Variants in CCSER1 observed in about 807,000 individuals in gnomAD.
The protein encoded by CCSER1 is serine-rich coiled-coil domain-containing protein 1.
A neutral mutation model predicts 82.0 loss-of-function variants in CCSER1; 41 were observed. The ratio of observed to expected loss-of-function variants is 0.50; its 90% CI spans 0.39 to 0.65. The LOEUF (loss-of-function observed/expected upper bound fraction) is 0.65, where lower values mean the gene tolerates loss of function less well. CCSER1 is among the 30% of genes least tolerant of loss of function. The probability of loss-of-function intolerance (pLI) is 0.00; values close to 1 mark genes in which losing one functional copy is unlikely to be tolerated. For synonymous variants in CCSER1, 414 were observed against 383.9 expected (o/e 1.08, Z -0.92); for missense variants, 1,119 against 1,064.2 (o/e 1.05, Z -0.72).
intron 5 of CCSER1, among the ~76,000 whole-genome samples, chr4:90,522,185 C>T (rs1773223156): frequency 6.6e-6 from 1 of 152,130 alleles, no homozygotes; most frequent in Non-Finnish European, 1.5e-5. Flanking sequence ...ATTTCTGCTT[C>T]CTCCTGTATT....
intron 4 of CCSER1, among the ~76,000 whole-genome samples, chr4:90,417,221 TA>T (rs948747080): frequency 5.3e-5 from 8 of 152,010 alleles, no homozygotes; most frequent in African/African-American, 7.2e-5. Flanking sequence ...ATAATAAATA[TA>T]AAAAAAATTT....
intron 8 of CCSER1, among the ~76,000 whole-genome samples, chr4:90,849,041 G>A (rs967772738): frequency 6.6e-6 from 1 of 152,132 alleles, no homozygotes; most frequent in Admixed American, 6.5e-5. Context: ...ATAGCAGCGT[G>A]AGAACAGACT....
intron 10 of CCSER1, among the ~76,000 whole-genome samples, chr4:91,413,978 A>T (rs1753213090): frequency 6.6e-6 from 1 of 152,190 alleles, no homozygotes; most frequent in Admixed American, 6.6e-5. Context: ...AGATAAAGAC[A>T]TTATAGATAA....
chr4:91,017,803 T>C (rs1739561732), intron 9 of CCSER1, among the ~76,000 whole-genome samples: 1 of 134,244 alleles, frequency 7.4e-6, no homozygotes, highest in African/African-American at 2.8e-5. Flanking sequence ...AACATTATGG[T>C]TTTTAAATTG....
chr4:90,375,276 C>T (rs1211881017), intron 3 of CCSER1, among the ~76,000 whole-genome samples: 4 of 152,260 alleles, frequency 2.6e-5, no homozygotes, highest in East Asian at 1.9e-4. Flanking sequence ...GGCGGTACAT[C>T]GGGTCTGTGT....
intron 8 of CCSER1, among the ~76,000 whole-genome samples, chr4:90,855,347 T>C (rs1764339178): frequency 6.6e-6 from 1 of 152,168 alleles, no homozygotes; most frequent in Non-Finnish European, 1.5e-5. Context: ...CTCAGTACTA[T>C]TTGCTCAATC....
intron 1 of CCSER1, among the ~76,000 whole-genome samples, chr4:90,198,098 T>C (rs1179899745): frequency 1.3e-5 from 2 of 152,162 alleles, no homozygotes; most frequent in East Asian, 3.8e-4. Context: ...AATTAAAATA[T>C]AGAAATCTGC....
intron 10 of CCSER1, among the ~76,000 whole-genome samples, chr4:91,246,905 G>T (rs1057342444): frequency 6.6e-6 from 1 of 151,694 alleles, no homozygotes; most frequent in East Asian, 1.9e-4. Flanking sequence ...TTGCATTAGG[G>T]CCATACAAAT....
intron 3 of CCSER1, among the ~76,000 whole-genome samples, chr4:90,358,223 C>G (rs1744697439): frequency 6.6e-6 from 1 of 151,730 alleles, no homozygotes; most frequent in African/African-American, 2.4e-5. Context: ...AAACTTTTGT[C>G]TAGTACACAT....
At chr4:91,470,231 T>C (rs556422296) in intron 10 of CCSER1, among the ~76,000 whole-genome samples, 97 of 152,334 alleles carry the variant, frequency 6.4e-4, no homozygotes, top group African/African-American at 2.2e-3. Flanking sequence ...TGCTAGGGTA[T>C]TGTACAGATT....
intron 5 of CCSER1, among the ~76,000 whole-genome samples, chr4:90,530,004 C>T (rs1054153932): frequency 9.3e-5 from 14 of 150,856 alleles, no homozygotes; most frequent in Admixed American, 4.6e-4. Flanking sequence ...ATGAACATTT[C>T]CCTGCTCTTT....
intron 10 of CCSER1, among the ~76,000 whole-genome samples, chr4:91,204,021 A>G (rs1452390715): frequency 6.6e-6 from 1 of 151,894 alleles, no homozygotes; most frequent in East Asian, 1.9e-4. Flanking sequence ...AGGACATTAA[A>G]TGTTTCCTGA....
At chr4:90,912,494 C>T (rs1009431571) in intron 8 of CCSER1, among the ~76,000 whole-genome samples, 1 of 152,106 alleles carries the variant, frequency 6.6e-6, no homozygotes, top group South Asian at 2.1e-4. Flanking sequence ...CTATACGTCA[C>T]CATCATCAAA....
intron 1 of CCSER1, among the ~76,000 whole-genome samples, chr4:90,157,065 C>T (rs904688350): frequency 6.6e-6 from 1 of 152,110 alleles, no homozygotes; most frequent in Non-Finnish European, 1.5e-5. Flanking sequence ...TTAGGGCAGT[C>T]CTGGTGGTGA....
At chr4:91,293,710 A>G (rs552826684) in intron 10 of CCSER1, among the ~76,000 whole-genome samples, 4 of 151,972 alleles carry the variant, frequency 2.6e-5, no homozygotes, top group South Asian at 4.1e-4. Context: ...AGTGGGATCT[A>G]TGGTGATTTT....
intron 3 of CCSER1, among the ~76,000 whole-genome samples, chr4:90,377,122 T>A (rs1398966199): frequency 6.6e-6 from 1 of 152,148 alleles, no homozygotes; most frequent in Non-Finnish European, 1.5e-5. Flanking sequence ...GAAAAGTTCT[T>A]TGTGTCTGTA....
At chr4:90,970,310 A>T (rs554895154) in intron 9 of CCSER1, among the ~76,000 whole-genome samples, 3 of 152,080 alleles carry the variant, frequency 2.0e-5, no homozygotes, top group Middle Eastern at 3.4e-3. Flanking sequence ...GAGTATAATT[A>T]TATTAGACAA....
chr4:91,359,228 TAC>T (rs1369293945), intron 10 of CCSER1, among the ~76,000 whole-genome samples: 2 of 151,950 alleles, frequency 1.3e-5, no homozygotes, highest in Admixed American at 1.3e-4. Context: ...TGCTCTACTA[TAC>T]AATGTCTGTA....
At chr4:90,455,513 C>T (rs114628190) in intron 4 of CCSER1, among the ~76,000 whole-genome samples, 2,224 of 152,214 alleles carry the variant, frequency 0.015, 48 homozygotes, top group African/African-American at 0.051. Flanking sequence ...GTTGGTTACC[C>T]ATCAGGAAAG....
Sources: gnomAD v4.1 joint callset for allele counts (sites outside exome capture counted in the v4.1 genomes callset) on GRCh38, gnomAD v4.1.1 for gene constraint, MANE v1.5 for transcripts, NCBI Gene and HGNC (gene_info 2026-07-23, HGNC 2026-07-21) for gene names.